The following RMC1 variants were observed in gnomAD, a reference collection of about 807,000 sequenced individuals.
The protein encoded by RMC1 is regulator of MON1-CCZ1, also known as regulator of MON1-CCZ1 complex.
Under a neutral mutation model 95.5 loss-of-function variants are expected in RMC1, and 44 were observed. That is an observed-to-expected ratio of 0.46 (90% CI 0.36 to 0.59). The LOEUF (loss-of-function observed/expected upper bound fraction) is 0.59, where lower values mean the gene tolerates loss of function less well. RMC1 is among the 20% of genes least tolerant of loss of function. RMC1 has a pLI of 0.00. For missense variants in RMC1, 705 were observed against 819.6 expected, an observed-to-expected ratio of 0.86 and a Z score of 1.71; for synonymous variants, 320 against 303.6, an observed-to-expected ratio of 1.05 and a Z score of -0.56.
At position 23,529,720 on chromosome 18, in the gene RMC1, C is replaced by A. The variant is rs2058428263; in HGVS notation, c.1494+8C>A. On this transcript the variant is annotated splice_region_variant and intron_variant, in intron 16 of 19. Transcript: ENST00000269221. ...TTTCAGATTGCAGTACAGGTACCTT[C>A]AAATCATCTGGGCCCAAGTTAAAAC... 1 of 1,607,808 alleles carries A rather than the reference C, an allele frequency of 6.2e-7. No homozygotes were observed. Among genetic ancestry groups the A allele is most frequent in the South Asian group, 1.1e-5 (1 of 90,688 alleles).
intron 7 of RMC1, among the ~76,000 whole-genome samples, chr18:23,517,697 G>C (rs1788818): frequency 6.6e-6 from 1 of 150,794 alleles, no homozygotes; most frequent in African/African-American, 2.4e-5. Flanking sequence ...TTTTTTAAAC[G>C]TACTCTTCTG....
chr18:23,515,905 A>G lies in RMC1; in HGVS notation c.458A>G (p.Asn153Ser), dbSNP rs1339387243. 10 of 1,613,990 alleles carry G rather than the reference A, an allele frequency of 6.2e-6. No individual in the cohort carries two copies. Among genetic ancestry groups the G allele is most frequent in the Non-Finnish European group, 8.5e-6 (10 of 1,180,022 alleles). ...AAACTCTTGAAGAGCCACAATCTCA[A>G]TGTGAATTGGTACATGTACTGCCCC... ...SLKLLKSHNL[N>S]VNWYMYCPES... The change falls in exon 6 of 20, where the codon AAT becomes AGT. Residue 153 changes from asparagine (N) to serine (S), a missense_variant. Transcript: ENST00000269221.
intron 10 of RMC1, among the ~76,000 whole-genome samples, chr18:23,523,598 C>G (rs146021103): frequency 0.012 from 1,735 of 149,112 alleles, 39 homozygotes; most frequent in African/African-American, 0.041. Context: ...GGTCACATGC[C>G]TGTAGTCCTA....
rs1273180992 is a variant in RMC1 at position 23,524,493 on chromosome 18, G to A, written c.1060+11G>A. 3.7e-6 allele frequency: 6 copies of A among 1,613,402 alleles called. No individual in the cohort carries two copies. Among genetic ancestry groups the A allele is most frequent in the African/African-American group, 1.3e-5 (1 of 74,904 alleles). On this transcript the variant is annotated intron_variant, in intron 12 of 19. Transcript: ENST00000269221. Reference sequence around the variant, plus strand: ...TCAGCGCAAGCCAAGGTAGGTCAGCGGGGACAGTTGTCGTGTTACAACATG... The same window carrying A: ...TCAGCGCAAGCCAAGGTAGGTCAGCAGGGACAGTTGTCGTGTTACAACATG...
At position 23,503,608 on chromosome 18, in the gene RMC1, C is replaced by G; in HGVS notation, c.-11C>G. 1 of 1,542,446 alleles carries G rather than the reference C, an allele frequency of 6.5e-7. No homozygotes were observed. Among genetic ancestry groups the G allele is most frequent in the Non-Finnish European group, 8.7e-7 (1 of 1,144,922 alleles). ...GCCCCCGGGGCCCCCGCCGCGGGCG[C>G]GGCGCCCGCCATGGGCGAGGAGGAC... On this transcript the variant is annotated 5_prime_UTR_variant, in exon 1 of 20. Transcript: ENST00000269221.
intron 5 of RMC1, among the ~76,000 whole-genome samples, chr18:23,515,460 A>G (rs891914934): frequency 3.9e-5 from 6 of 152,176 alleles, no homozygotes; most frequent in African/African-American, 1.2e-4. Flanking sequence ...TGTTCATTTC[A>G]CTTAGTGGGT....
rs761636354 is a variant in RMC1, at chr18:23,503,602, C to CGGGCGCGGCGCCCGCCAT, written c.-11_7dup. 2 of 1,540,134 alleles carry CGGGCGCGGCGCCCGCCAT rather than the reference C, an allele frequency of 1.3e-6. No homozygotes were observed. Among genetic ancestry groups the CGGGCGCGGCGCCCGCCAT allele is most frequent in the East Asian group, 2.7e-5 (1 of 36,902 alleles). Reference sequence around the variant, plus strand: ...GCGACCGCCCCCGGGGCCCCCGCCGCGGGCGCGGCGCCCGCCATGGGCGAG... The same window carrying CGGGCGCGGCGCCCGCCAT: ...GCGACCGCCCCCGGGGCCCCCGCCGCGGGCGCGGCGCCCGCCATGGGCGCGGCGCCCGCCATGGGCGAG... On this transcript the variant is annotated 5_prime_UTR_variant, in exon 1 of 20. In the 5' UTR this introduces an upstream ATG that the reference lacks. Coordinates refer to ENST00000269221, the MANE Select transcript of RMC1 (RefSeq NM_013326.5).
chr18:23,528,902 G>C, intron 14 of RMC1: 1 of 282,550 alleles, frequency 3.5e-6, no homozygotes, highest in Non-Finnish European at 6.7e-6. Flanking sequence ...TTTTTGAGAC[G>C]GAGTTTTGTT....
chr18:23,520,484 C>T (rs552300217), intron 10 of RMC1, among the ~76,000 whole-genome samples, 171 bp downstream of exon 10: 3 of 152,264 alleles, frequency 2.0e-5, no homozygotes, highest in South Asian at 2.1e-4. Context: ...TGTTTTGAGA[C>T]AGTCTCACTG....
rs1212850139 is a variant in RMC1, at chr18:23,526,641, C to T, written c.1065C>T (p.Tyr355=). 3.1e-6 allele frequency: 5 copies of T among 1,613,866 alleles called. No individual in the cohort carries two copies. Among genetic ancestry groups the T allele is most frequent in the Admixed American group, 1.7e-5 (1 of 59,960 alleles). The change falls in exon 13 of 20, where the codon TAC becomes TAT. Residue 355 remains tyrosine, a synonymous_variant. Transcript: ENST00000269221. ...TTGCTGCCTCTTAAAATCCAGGTTA[C>T]CTCTGGAACCTCCAAGTGAAACTTG... ...PDIIISASQG[Y]LWNLQVKLEP... is the part of the protein sequence containing the mutation.
intron 10 of RMC1, among the ~76,000 whole-genome samples, chr18:23,521,686 ACT>A (rs199587912): frequency 1.0e-3 from 97 of 96,300 alleles, no homozygotes; most frequent in Middle Eastern, 4.4e-3. Context: ...TTCAACACAC[ACT>A]CTCTCTCTTT....
intron 5 of RMC1, 142 bp downstream of exon 5, chr18:23,509,421 G>A: frequency 3.0e-6 from 1 of 330,974 alleles, no homozygotes; most frequent in Non-Finnish European, 5.4e-6. Flanking sequence ...CCAGGCTGCA[G>A]TGCAGTGGCA....
At chr18:23,503,854 C>T in intron 1 of RMC1, 134 bp downstream of exon 1, 1 of 724,594 alleles carries the variant, frequency 1.4e-6, no homozygotes, top group African/African-American at 1.9e-5. Flanking sequence ...GGAGGCGGCG[C>T]GCGCTCCTTC....
chr18:23,514,435 T>C (rs1258836459), intron 5 of RMC1, among the ~76,000 whole-genome samples: 1 of 152,072 alleles, frequency 6.6e-6, no homozygotes, highest in African/African-American at 2.4e-5. Context: ...TGGGCGCCTA[T>C]AATCCCAGTT....
At position 23,519,136 on chromosome 18, in the gene RMC1, G is replaced by A; in HGVS notation, c.811G>A (p.Val271Met). Reference sequence around the variant, plus strand: ...GACGGGAAAGTTTGCCCTGAACGTGGTGGACAACCTGGTAGTCGTGCATCA... The same window carrying A: ...GACGGGAAAGTTTGCCCTGAACGTGATGGACAACCTGGTAGTCGTGCATCA... ...NRTGKFALNVVDNLVVVHHQD... is the reference protein window; with the variant it reads ...NRTGKFALNVMDNLVVVHHQD... The change falls in exon 9 of 20, where the codon GTG becomes ATG. Residue 271 changes from valine (V) to methionine (M), a missense_variant. Physicochemically the swap from Val to Met is conservative, Grantham distance 21. Transcript: ENST00000269221. The A allele has an allele frequency of 6.2e-7, 1 of 1,614,190 alleles. No homozygotes were observed. The highest frequency in any genetic ancestry group is 8.5e-7 in the Non-Finnish European group (1 of 1,180,026).
chr18:23,526,538 C>T (rs2145263438), intron 12 of RMC1, 99 bp from the exon 13 acceptor site: 1 of 1,458,360 alleles, frequency 6.9e-7, no homozygotes, highest in East Asian at 2.3e-5. Flanking sequence ...CTTTTTATCA[C>T]CACCTGCCAC....
chr18:23,519,187 T>G lies in RMC1; in HGVS notation c.849+13T>G. The G allele has an allele frequency of 6.2e-7, 1 of 1,607,756 alleles. No individual in the cohort carries two copies. Among genetic ancestry groups the G allele is most frequent in the Non-Finnish European group, 8.5e-7 (1 of 1,174,588 alleles). On this transcript the variant is annotated intron_variant, in intron 9 of 19. Coordinates refer to ENST00000269221, the MANE Select transcript of RMC1 (RefSeq NM_013326.5). Reference sequence around the variant, plus strand: ...TCAGGATACAGAGGTACAAGCTGTCTGCGTTTCTACCAAAGTTAAGGTTGC... The same window carrying G: ...TCAGGATACAGAGGTACAAGCTGTCGGCGTTTCTACCAAAGTTAAGGTTGC...
chr18:23,509,400 T>C (rs947497729), intron 5 of RMC1, 121 bp downstream of exon 5: 1 of 340,600 alleles, frequency 2.9e-6, no homozygotes, highest in Non-Finnish European at 5.2e-6. Flanking sequence ...GATGGAGTCT[T>C]GCTCTGTTGC....
chr18:23,509,349 A>G, intron 5 of RMC1, 70 bp downstream of exon 5: 1 of 554,056 alleles, frequency 1.8e-6, no homozygotes, highest in Non-Finnish European at 2.9e-6. Context: ...TTTTGAATTC[A>G]GTACTGAATA....
Sources: gnomAD v4.1 joint callset for allele counts (sites outside exome capture counted in the v4.1 genomes callset) on GRCh38, gnomAD v4.1.1 for gene constraint, MANE v1.5 for transcripts, NCBI Gene and HGNC (gene_info 2026-07-23, HGNC 2026-07-21) for gene names.